Variants in LHFPL4 observed in about 807,000 individuals in gnomAD.
LHFPL4 encodes LHFPL tetraspan subfamily member 4.
Under a neutral mutation model 20.0 loss-of-function variants are expected in LHFPL4, and 6 were observed. That is an observed-to-expected ratio of 0.30 (90% CI 0.16 to 0.59). The LOEUF is 0.59. Among genes scored for constraint, LHFPL4 ranks in the 20% least tolerant of loss-of-function variants. The pLI is 0.88. For synonymous variants in LHFPL4, 129 were observed against 143.8 expected, an observed-to-expected ratio of 0.90 and a Z score of 0.74; for missense variants, 215 against 331.2, an observed-to-expected ratio of 0.65 and a Z score of 2.72.
At chr3:9,543,444 G>C (rs1202302300) in intron 2 of LHFPL4, among the ~76,000 whole-genome samples, 1 of 151,604 alleles carries the variant, frequency 6.6e-6, no homozygotes, top group African/African-American at 2.4e-5. Flanking sequence ...AGCTTGCAGT[G>C]AGCCGAGATC....
At chr3:9,523,984 C>CCG (rs2046357282) in intron 2 of LHFPL4, among the ~76,000 whole-genome samples, 1 of 66,788 alleles carries the variant, frequency 1.5e-5, no homozygotes, top group African/African-American at 5.6e-5. Context: ...GCTAGTATTT[C>CCG]CCCCCCCCCC....
chr3:9,548,345 G>C (rs1251394287), intron 2 of LHFPL4, among the ~76,000 whole-genome samples: 1 of 152,136 alleles, frequency 6.6e-6, no homozygotes, highest in Admixed American at 6.6e-5. Flanking sequence ...TCCAACTGCT[G>C]CTGATTAAAG....
intron 2 of LHFPL4, among the ~76,000 whole-genome samples, chr3:9,518,537 T>C (rs1169132958): frequency 6.6e-6 from 1 of 152,184 alleles, no homozygotes. Context: ...CATCAGGGCC[T>C]GGTGCTTTCT....
intron 2 of LHFPL4, among the ~76,000 whole-genome samples, chr3:9,524,650 G>C (rs970729125): frequency 6.6e-6 from 1 of 152,052 alleles, no homozygotes; most frequent in Non-Finnish European, 1.5e-5. Context: ...ATCTGTTCTT[G>C]CATGCTAATT....
chr3:9,521,982 G>A (rs938279726), intron 2 of LHFPL4, among the ~76,000 whole-genome samples: 1 of 151,736 alleles, frequency 6.6e-6, no homozygotes, highest in Non-Finnish European at 1.5e-5. Flanking sequence ...GTCTTTTGTG[G>A]TTTTAATTGA....
Position 9,512,407 on chromosome 3 carries a change from C to G in LHFPL4, c.407-6204G>C, listed in dbSNP as rs371263491. Among the ~76,000 whole-genome samples, 126 of 152,296 alleles carry G rather than the reference C, an allele frequency of 8.3e-4. 1 individual carries two copies. In the South Asian group the frequency reaches 9.3e-3, roughly 11 times the overall value. On this transcript the variant is annotated intron_variant, in intron 2 of 3. Transcript: ENST00000287585. ...GGCGTGTGAGCAGGTCATGGTGACTCTTGGCAGAGTGGGAAAATAATCCTG... is the reference window on the plus strand; with the variant it reads ...GGCGTGTGAGCAGGTCATGGTGACTGTTGGCAGAGTGGGAAAATAATCCTG...
At chr3:9,512,620 G>C (rs935831004) in intron 2 of LHFPL4, among the ~76,000 whole-genome samples, 1 of 152,158 alleles carries the variant, frequency 6.6e-6, no homozygotes, top group Non-Finnish European at 1.5e-5. Context: ...AGAGAATAAA[G>C]ACTGCATTTT....
chr3:9,524,849 G>T (rs2046362986), intron 2 of LHFPL4, among the ~76,000 whole-genome samples: 1 of 152,160 alleles, frequency 6.6e-6, no homozygotes, highest in Non-Finnish European at 1.5e-5. Flanking sequence ...CTGGGTAAAA[G>T]AAACTGCTGT....
chr3:9,552,804 G>T lies in LHFPL4; in HGVS notation c.-125C>A. On this transcript the variant is annotated 5_prime_UTR_variant, in exon 2 of 4. Transcript: ENST00000287585. ...GAAGCGGCCCTGAGTCAAGGAACCC[G>T]CGAGGGCGGGGCCTGGGGCAGAGCT... is the stretch of plus-strand genomic sequence containing the variant. 2.5e-6 allele frequency: 1 copy of T among 404,504 alleles called. No homozygotes were observed. Among genetic ancestry groups the T allele is most frequent in the Non-Finnish European group, 3.5e-6 (1 of 289,088 alleles). The allele number at this position is 404,504 out of a possible 1,614,324, so 25.1% of individuals were successfully genotyped here.
chr3:9,534,461 T>C (rs1559521306), intron 2 of LHFPL4, among the ~76,000 whole-genome samples: 2 of 152,184 alleles, frequency 1.3e-5, no homozygotes, highest in Non-Finnish European at 2.9e-5. Context: ...AATGTTCCCA[T>C]TGCAAAGAGG....
Position 9,530,687 on chromosome 3 carries a change from A to G in LHFPL4, c.406+21587T>C, listed in dbSNP as rs1035259984. ...TTGGCCAACTTGCACAAGAGCCCTC[A>G]CTTTTGGCTTATCTCAGTTTTGACA... On this transcript the variant is annotated intron_variant, in intron 2 of 3. Coordinates refer to ENST00000287585, the MANE Select transcript of LHFPL4 (RefSeq NM_198560.3). Among the ~76,000 whole-genome samples the G allele has an allele frequency of 5.3e-5, 8 of 149,738 alleles. 1 individual carries two copies. Among genetic ancestry groups the G allele is most frequent in the Middle Eastern group, 3.4e-3 (1 of 294 alleles).
intron 3 of LHFPL4, among the ~76,000 whole-genome samples, chr3:9,503,401 G>A (rs1439161061): frequency 6.6e-6 from 1 of 152,202 alleles, no homozygotes; most frequent in Non-Finnish European, 1.5e-5. Context: ...CAGAGGGCAG[G>A]CCTTGACTTC....
intron 2 of LHFPL4, among the ~76,000 whole-genome samples, chr3:9,526,646 G>A (rs2046377418): frequency 1.3e-5 from 2 of 152,104 alleles, no homozygotes; most frequent in South Asian, 4.1e-4. Flanking sequence ...TTGGAAACAG[G>A]GTACCTGCAG....
chr3:9,545,280 G>C (rs981714893), intron 2 of LHFPL4, among the ~76,000 whole-genome samples: 3 of 152,068 alleles, frequency 2.0e-5, no homozygotes, highest in Non-Finnish European at 2.9e-5. Flanking sequence ...AGAGGGAGAG[G>C]AGGAGGGAAA....
chr3:9,530,273 G>A (rs577152400), intron 2 of LHFPL4, among the ~76,000 whole-genome samples: 1 of 152,326 alleles, frequency 6.6e-6, no homozygotes, highest in South Asian at 2.1e-4. Flanking sequence ...AAAATCTGTT[G>A]TTTAGTCTAC....
At chr3:9,533,009 C>T (rs1476971970) in intron 2 of LHFPL4, among the ~76,000 whole-genome samples, 1 of 152,218 alleles carries the variant, frequency 6.6e-6, no homozygotes, top group Non-Finnish European at 1.5e-5. Context: ...AAGGAGCTTT[C>T]ACCTGCCCAC....
chr3:9,541,542 CG>C (rs2046476321), intron 2 of LHFPL4, among the ~76,000 whole-genome samples: 1 of 151,702 alleles, frequency 6.6e-6, no homozygotes, highest in Non-Finnish European at 1.5e-5. Flanking sequence ...GAGGCCAAGG[CG>C]GGTGGATCAC....
rs145108404 is a variant in LHFPL4 at position 9,526,262 on chromosome 3, A to G, written c.407-20059T>C. On this transcript the variant is annotated intron_variant, in intron 2 of 3. Transcript: ENST00000287585. ...GCGGAGTTAGTGTTTAATGGGCACA[A>G]AGTTTCAGTTTTGCAAGATTAAAAG... is the stretch of plus-strand genomic sequence containing the variant. Among the ~76,000 whole-genome samples the G allele has an allele frequency of 1.5e-3, 233 of 152,280 alleles. 2 individuals are homozygous for G. The highest frequency in any genetic ancestry group is 5.4e-3 in the African/African-American group (225 of 41,552).
At chr3:9,543,528 G>T (rs2046491518) in intron 2 of LHFPL4, among the ~76,000 whole-genome samples, 1 of 151,490 alleles carries the variant, frequency 6.6e-6, no homozygotes, top group South Asian at 2.1e-4. Context: ...AAAAAAAGTG[G>T]GTCCTCTAGC....
Sources: allele counts gnomAD v4.1 joint callset (sites outside exome capture counted in the v4.1 genomes callset), GRCh38; gene constraint gnomAD v4.1.1; transcripts MANE v1.5; gene names NCBI Gene and HGNC (gene_info 2026-07-23, HGNC 2026-07-21).